PHTF1: variants seen among roughly 807,000 people sequenced by gnomAD.
The protein encoded by PHTF1 is putative homeodomain transcription factor 1.
In PHTF1, 88 loss-of-function variants were observed where a neutral mutation model predicts 102.4. That is an observed-to-expected ratio of 0.86 (90% CI 0.72 to 1.03). PHTF1 has a LOEUF of 1.03. Among genes scored for constraint, PHTF1 ranks in the 50% least tolerant of loss-of-function variants. PHTF1 has a pLI of 0.00. For missense variants in PHTF1, 814 were observed against 909.5 expected (o/e 0.89, Z 1.35); for synonymous variants, 289 against 305.2 (o/e 0.95, Z 0.55).
At chr1:113,703,762 A>G (rs1001875465) in intron 15 of PHTF1, 15 of 215,724 alleles carry the variant, frequency 7.0e-5, no homozygotes, top group Admixed American at 2.2e-4. Context: ...GAAATGAAAG[A>G]TCTACCTTGG....
Position 113,705,695 on chromosome 1 carries a change from A to T in PHTF1, c.1671+195T>A, listed in dbSNP as rs888266745. 23 of 553,776 alleles carry T rather than the reference A, an allele frequency of 4.2e-5. No homozygotes were observed. In the African/African-American group the frequency reaches 4.4e-4, roughly 11 times the overall value. The allele number at this position is 553,776 out of a possible 1,614,324, so 34.3% of individuals were successfully genotyped here. On this transcript the variant is annotated intron_variant, in intron 13 of 18. Coordinates refer to ENST00000369604, the MANE Select transcript of PHTF1 (RefSeq NM_001323043.2). ...TTATTCTACACATGAGGCCTGGCAA[A>T]ATTTCAGATTACAACGTGTAATATG...
chr1:113,758,926 T>C (rs1003737122), intron 1 of PHTF1, 97 bp downstream of exon 1: 82 of 1,076,474 alleles, frequency 7.6e-5, no homozygotes, highest in Non-Finnish European at 7.8e-5. Context: ...CTGCAATATA[T>C]CGGGCGAGCG....
At position 113,759,045 on chromosome 1, in the gene PHTF1, C is replaced by T. The variant is rs1380660492; in HGVS notation, c.-53G>A. 12 of 1,012,920 alleles carry T rather than the reference C, an allele frequency of 1.2e-5. No individual in the cohort carries two copies. Among genetic ancestry groups the T allele is most frequent in the Non-Finnish European group, 1.4e-5 (12 of 848,536 alleles). The allele number at this position is 1,012,920 out of a possible 1,614,324, so 62.7% of individuals were successfully genotyped here. On this transcript the variant is annotated 5_prime_UTR_variant, in exon 1 of 19. Transcript: ENST00000369604. ...CACCTAGTGCCCGTTGCCCCGCGGGCCGGCGCCCGGGACCTCCGTCCTCAG... is the reference window on the plus strand; with the variant it reads ...CACCTAGTGCCCGTTGCCCCGCGGGTCGGCGCCCGGGACCTCCGTCCTCAG...
At chr1:113,705,239 A>G (rs540405857) in intron 13 of PHTF1, among the ~76,000 whole-genome samples, 1 of 152,308 alleles carries the variant, frequency 6.6e-6, no homozygotes, top group Admixed American at 6.5e-5. Context: ...CTGGAGTTCG[A>G]GACAAGACTG....
At chr1:113,709,178 G>A (rs1372787255) in intron 11 of PHTF1, among the ~76,000 whole-genome samples, 6 of 151,918 alleles carry the variant, frequency 3.9e-5, no homozygotes, top group Admixed American at 6.6e-5. Context: ...TAAGGCTGCC[G>A]TGAGTCATGA....
Position 113,710,293 on chromosome 1 carries a change from T to C in PHTF1, c.1230A>G (p.Ser410=), listed in dbSNP as rs1295202836. 2.5e-6 allele frequency: 4 copies of C among 1,613,826 alleles called. No individual in the cohort carries two copies. The Admixed American group carries it at 5.0e-5, about 20-fold the overall frequency. Residue 410 remains serine, a synonymous_variant, in exon 11 of 19, where the codon TCA becomes TCG. Transcript: ENST00000369604. ...CCTCTTTGGGGTCACGTTTGGTCCC[T>C]GAGTGAAGGGTATTCACATGGGCCC... The part of the protein sequence containing the change: ...SEGAHVNTLH[S]GTKRDPKEDV...
chr1:113,724,396 G>A (rs548676447), intron 7 of PHTF1, among the ~76,000 whole-genome samples: 1 of 152,116 alleles, frequency 6.6e-6, no homozygotes, highest in Non-Finnish European at 1.5e-5. Context: ...AAAATTAGCT[G>A]GGTGTGGCGG....
At chr1:113,750,579 C>T (rs1657902611) in intron 3 of PHTF1, among the ~76,000 whole-genome samples, 1 of 152,052 alleles carries the variant, frequency 6.6e-6, no homozygotes, top group Non-Finnish European at 1.5e-5. Flanking sequence ...GTAAAAGGGG[C>T]CAGGCGTGGT....
At chr1:113,724,711 T>G (rs748453110) in intron 7 of PHTF1, 48 bp downstream of exon 7, 83 of 1,486,142 alleles carry the variant, frequency 5.6e-5, no homozygotes, top group Non-Finnish European at 7.6e-5. Context: ...ATACTATACA[T>G]TCTGTAAACA....
intron 5 of PHTF1, among the ~76,000 whole-genome samples, chr1:113,732,400 G>A (rs1002659690): frequency 2.6e-5 from 4 of 152,092 alleles, no homozygotes; most frequent in African/African-American, 9.7e-5. Flanking sequence ...GGAGGCTGAG[G>A]TAGGAGAATT....
chr1:113,746,408 CCT>C (rs1253034102), intron 3 of PHTF1, among the ~76,000 whole-genome samples: 1 of 152,164 alleles, frequency 6.6e-6, no homozygotes, highest in Admixed American at 6.5e-5. Context: ...AAGCAAATCC[CCT>C]GACTAAGGTG....
intron 3 of PHTF1, among the ~76,000 whole-genome samples, chr1:113,750,452 C>G (rs544001599): frequency 6.6e-6 from 1 of 151,926 alleles, no homozygotes; most frequent in African/African-American, 2.4e-5. Flanking sequence ...TTTGTTCACT[C>G]TAATATTAAT....
intron 7 of PHTF1, among the ~76,000 whole-genome samples, chr1:113,715,987 C>T (rs1651954454): frequency 6.6e-6 from 1 of 151,876 alleles, no homozygotes; most frequent in South Asian, 2.1e-4. Flanking sequence ...CTCAAAACAG[C>T]AAATCTAAGA....
chr1:113,721,898 G>A (rs953431681), intron 7 of PHTF1, among the ~76,000 whole-genome samples: 2 of 151,442 alleles, frequency 1.3e-5, no homozygotes, highest in East Asian at 4.0e-4. Flanking sequence ...GTTTCACCAT[G>A]TTAACCAGGA....
intron 11 of PHTF1, among the ~76,000 whole-genome samples, chr1:113,708,246 G>T (rs546201515): frequency 7.2e-4 from 109 of 152,286 alleles, no homozygotes; most frequent in African/African-American, 2.5e-3. Flanking sequence ...TAAAATGATG[G>T]CCTGCACCAA....
intron 12 of PHTF1, 81 bp from the exon 13 acceptor site, chr1:113,706,243 G>T: frequency 8.4e-7 from 1 of 1,184,042 alleles, no homozygotes; most frequent in Non-Finnish European, 1.2e-6. Context: ...ACACTATTTA[G>T]ACTATTAAAA....
intron 7 of PHTF1, among the ~76,000 whole-genome samples, chr1:113,723,955 G>T (rs1653412383): frequency 1.3e-5 from 2 of 152,056 alleles, no homozygotes; most frequent in South Asian, 4.1e-4. Flanking sequence ...TTTAAAATGG[G>T]CAAAAGATCT....
intron 7 of PHTF1, among the ~76,000 whole-genome samples, chr1:113,724,127 G>A (rs1024539500): frequency 6.6e-6 from 1 of 152,158 alleles, no homozygotes; most frequent in Admixed American, 6.5e-5. Flanking sequence ...ACAAATGCTG[G>A]AGAGGATATG....
chr1:113,731,955 T>C (rs1330996019), intron 5 of PHTF1, among the ~76,000 whole-genome samples: 1 of 148,074 alleles, frequency 6.8e-6, no homozygotes, highest in Non-Finnish European at 1.5e-5. Context: ...AGCAATATCA[T>C]ATTTCTGTAT....
Sources: gnomAD v4.1 joint callset for allele counts (sites outside exome capture counted in the v4.1 genomes callset) on GRCh38, gnomAD v4.1.1 for gene constraint, MANE v1.5 for transcripts, NCBI Gene and HGNC (gene_info 2026-07-23, HGNC 2026-07-21) for gene names.